ASIC2: variants seen among roughly 807,000 people sequenced by gnomAD.
ASIC2 encodes acid-sensing ion channel 2.
A neutral mutation model predicts 57.3 loss-of-function variants in ASIC2; 25 were observed. That is an observed-to-expected ratio of 0.44 (90% confidence interval 0.32 to 0.61). ASIC2 has a LOEUF of 0.61. Among genes scored for constraint, ASIC2 ranks in the 20% least tolerant of loss-of-function variants. The probability of loss-of-function intolerance (pLI) is 0.06; values close to 1 mark genes in which losing one functional copy is unlikely to be tolerated. For missense variants in ASIC2, 641 were observed against 738.1 expected (o/e 0.87, Z 1.52); for synonymous variants, 319 against 307.5 (o/e 1.04, Z -0.39).
chr17:33,187,523 T>C (rs938444145), intron 1 of ASIC2, among the ~76,000 whole-genome samples: 17 of 152,170 alleles, frequency 1.1e-4, no homozygotes, highest in Non-Finnish European at 1.6e-4. Flanking sequence ...AAAGATGTGT[T>C]TGAGCCTAGT....
In ASIC2 at chr17:33,250,600, T is replaced by C. The variant is rs545789668; in HGVS notation, c.708+40808A>G. On this transcript the variant is annotated intron_variant, in intron 1 of 9. Transcript: ENST00000225823. ...CCCCTATAAGCTTTATTAATTCAAT[T>C]TGTAAGATGAGTGGTTTGAACCACA... is the stretch of plus-strand genomic sequence containing the variant. 9.8e-5 allele frequency among the ~76,000 whole-genome samples: 15 copies of C among 152,366 alleles called. No homozygotes were observed. In the South Asian group the frequency reaches 3.1e-3, roughly 32 times the overall value.
At chr17:33,956,502 G>A (rs12951759) in intron 1 of ASIC2, among the ~76,000 whole-genome samples, 67,974 of 151,888 alleles carry the variant, frequency 0.45, 15,536 homozygotes, top group Middle Eastern at 0.53. Context: ...TGCTTTCCAA[G>A]CTGCACCCCT....
chr17:33,837,135 G>T (rs987512465), intron 1 of ASIC2, among the ~76,000 whole-genome samples: 3 of 152,084 alleles, frequency 2.0e-5, no homozygotes, highest in African/African-American at 7.2e-5. Context: ...CTCTTCCCTG[G>T]TGTGATGTCA....
intron 1 of ASIC2, among the ~76,000 whole-genome samples, chr17:33,684,221 C>T (rs539738370): frequency 6.6e-6 from 1 of 152,176 alleles, no homozygotes; most frequent in Admixed American, 6.5e-5. Context: ...CAAAATGCTG[C>T]CTACATCTCC....
chr17:33,044,334 C>T (rs1311377310), intron 3 of ASIC2, among the ~76,000 whole-genome samples: 1 of 151,986 alleles, frequency 6.6e-6, no homozygotes, highest in East Asian at 1.9e-4. Flanking sequence ...TCCCATGCCC[C>T]CCACCCATCC....
chr17:33,745,161 T>C (rs1910221716), intron 1 of ASIC2, among the ~76,000 whole-genome samples: 1 of 152,156 alleles, frequency 6.6e-6, no homozygotes, highest in Admixed American at 6.5e-5. Flanking sequence ...CTCCCTATCT[T>C]TCCCCTCCCA....
intron 1 of ASIC2, among the ~76,000 whole-genome samples, chr17:33,155,802 T>G (rs1904985471): frequency 6.6e-6 from 1 of 152,010 alleles, no homozygotes; most frequent in Non-Finnish European, 1.5e-5. Context: ...TCCAGTGATC[T>G]CAAAGTGCTA....
rs1907668564 is a variant in ASIC2, at chr17:33,672,449, T to TC, written c.555+483528_555+483529insG. Among the ~76,000 whole-genome samples, 15 of 151,782 alleles carry TC rather than the reference T, an allele frequency of 9.9e-5. 3 individuals are homozygous for TC. The highest frequency in any genetic ancestry group is 3.6e-4 in the African/African-American group (15 of 41,414). On this transcript the variant is annotated intron_variant, in intron 1 of 9. Coordinates refer to the ASIC2 transcript ENST00000359872. ...GCTTAAAAAAAAAAAAAGTCTTCAC[T>TC]TAAAAAAAAATACATCACCCAAACA...
chr17:33,611,737 A>G (rs1597806994), intron 1 of ASIC2, among the ~76,000 whole-genome samples: 2 of 152,246 alleles, frequency 1.3e-5, no homozygotes, highest in African/African-American at 4.8e-5. Context: ...CTCTGCTCAC[A>G]TAGCATCCAC....
intron 1 of ASIC2, among the ~76,000 whole-genome samples, chr17:33,580,459 A>G (rs1468680746): frequency 2.0e-5 from 3 of 152,120 alleles, no homozygotes; most frequent in Non-Finnish European, 4.4e-5. Context: ...AAGAATGCAA[A>G]TGATGTTACT....
intron 1 of ASIC2, among the ~76,000 whole-genome samples, chr17:33,447,134 G>T (rs143658612): frequency 6.6e-6 from 1 of 152,184 alleles, no homozygotes; most frequent in Non-Finnish European, 1.5e-5. Context: ...GCCTGCCTTC[G>T]TGAGTTTAGG....
At chr17:33,098,092 C>G (rs966074355) in intron 2 of ASIC2, among the ~76,000 whole-genome samples, 1 of 152,196 alleles carries the variant, frequency 6.6e-6, no homozygotes, top group Admixed American at 6.5e-5. Flanking sequence ...TTAGTTTCCT[C>G]TGTTCAAATG....
intron 1 of ASIC2, chr17:34,146,735 A>G (rs1912428556): frequency 6.6e-6 from 1 of 152,232 alleles, no homozygotes; most frequent in Admixed American, 6.5e-5. Flanking sequence ...GGGACTGATT[A>G]AGCTGTTATG....
intron 1 of ASIC2, among the ~76,000 whole-genome samples, chr17:33,222,890 T>C (rs1199723806): frequency 6.6e-6 from 1 of 152,072 alleles, no homozygotes; most frequent in African/African-American, 2.4e-5. Context: ...CTATACTAGA[T>C]AGCCAGTTCA....
At chr17:33,779,928 A>T (rs1402723449) in intron 1 of ASIC2, among the ~76,000 whole-genome samples, 1 of 150,442 alleles carries the variant, frequency 6.6e-6, no homozygotes, top group Non-Finnish European at 1.5e-5. Flanking sequence ...CTAGTGGGTG[A>T]CAGAAGTAGC....
chr17:33,652,426 T>C (rs1268819156), intron 1 of ASIC2, among the ~76,000 whole-genome samples: 2 of 152,210 alleles, frequency 1.3e-5, no homozygotes, highest in South Asian at 2.1e-4. Context: ...TTTTAAGCAC[T>C]TTATATACAT....
chr17:33,258,287 C>A (rs923272730), intron 1 of ASIC2, among the ~76,000 whole-genome samples: 22 of 152,176 alleles, frequency 1.4e-4, no homozygotes, highest in African/African-American at 4.8e-4. Flanking sequence ...AGAAAGCTTA[C>A]ATTTCTGCCT....
At chr17:33,418,019 CAT>C (rs1910911080) in intron 1 of ASIC2, among the ~76,000 whole-genome samples, 3 of 101,848 alleles carry the variant, frequency 2.9e-5, no homozygotes, top group African/African-American at 8.7e-5. Context: ...TGGCTCTCAG[CAT>C]GTATGTATGT....
At chr17:33,957,358 T>C (rs1904769457) in intron 1 of ASIC2, among the ~76,000 whole-genome samples, 1 of 152,210 alleles carries the variant, frequency 6.6e-6, no homozygotes, top group Non-Finnish European at 1.5e-5. Context: ...AGGATTTATG[T>C]AGTAGGTACT....
Sources: gnomAD v4.1 joint callset for allele counts (sites outside exome capture counted in the v4.1 genomes callset) on GRCh38, gnomAD v4.1.1 for gene constraint, MANE v1.5 for transcripts, NCBI Gene and HGNC (gene_info 2026-07-23, HGNC 2026-07-21) for gene names.